ANKS1B: variants seen among roughly 807,000 people sequenced by gnomAD.
The protein encoded by ANKS1B is ankyrin repeat and sterile alpha motif domain containing 1B.
Under a neutral mutation model 148.3 loss-of-function variants are expected in ANKS1B, and 36 were observed. That is an observed-to-expected ratio of 0.24 (90% CI 0.19 to 0.32). The LOEUF (loss-of-function observed/expected upper bound fraction) is 0.32, where lower values mean the gene tolerates loss of function less well. Among genes scored for constraint, ANKS1B ranks in the 10% least tolerant of loss-of-function variants. The pLI, the probability that ANKS1B is intolerant of heterozygous loss-of-function variation, is 1.00. For missense variants in ANKS1B, 1,157 were observed against 1,542.6 expected, an observed-to-expected ratio of 0.75 and a Z score of 4.19; for synonymous variants, 542 against 560.8, an observed-to-expected ratio of 0.97 and a Z score of 0.47.
chr12:99,348,153 G>C (rs1281913031), intron 12 of ANKS1B, among the ~76,000 whole-genome samples: 10 of 151,894 alleles, frequency 6.6e-5, no homozygotes, highest in Admixed American at 6.6e-4. Context: ...CTAAAGAACA[G>C]AAACAAAATA....
At chr12:99,742,680 A>G (rs2060235890) in intron 8 of ANKS1B, among the ~76,000 whole-genome samples, 3 of 150,442 alleles carry the variant, frequency 2.0e-5, no homozygotes, top group Admixed American at 2.0e-4. Context: ...TAAAAATACA[A>G]AAAAAAAATT....
chr12:99,453,838 A>C (rs1300163626), intron 10 of ANKS1B, among the ~76,000 whole-genome samples: 1 of 152,248 alleles, frequency 6.6e-6, no homozygotes, highest in Non-Finnish European at 1.5e-5. Context: ...TAGAAGGGCA[A>C]ATATAATTAC....
intron 17 of ANKS1B, among the ~76,000 whole-genome samples, chr12:98,882,632 G>C (rs1391195217): frequency 2.0e-5 from 3 of 152,026 alleles, no homozygotes; most frequent in Non-Finnish European, 4.4e-5. Flanking sequence ...TATCAATGTG[G>C]CATGCTTTAA....
At position 99,578,721 on chromosome 12, in the gene ANKS1B, A is replaced by G. The variant is rs372772963; in HGVS notation, c.1273-74080T>C. Reference sequence around the variant, plus strand: ...AGACAACATAAACATATGGAAAAACATTCCATGCTCATGGATAGGAAGAAT... The same window carrying G: ...AGACAACATAAACATATGGAAAAACGTTCCATGCTCATGGATAGGAAGAAT... On this transcript the variant is annotated intron_variant, in intron 9 of 26. Transcript: ENST00000683438. Among the ~76,000 whole-genome samples, 292 of 152,276 alleles carry G rather than the reference A, an allele frequency of 1.9e-3. 1 individual carries two copies. Among genetic ancestry groups the G allele is most frequent in the Admixed American group, 9.7e-3 (148 of 15,284 alleles).
intron 8 of ANKS1B, among the ~76,000 whole-genome samples, chr12:99,702,390 G>A (rs1345525805): frequency 6.6e-6 from 1 of 151,916 alleles, no homozygotes; most frequent in Admixed American, 6.6e-5. Flanking sequence ...TCAGATTGTT[G>A]TATCTTTTTC....
chr12:99,888,684 C>T (rs2092946586), intron 1 of ANKS1B, among the ~76,000 whole-genome samples: 1 of 152,160 alleles, frequency 6.6e-6, no homozygotes, highest in South Asian at 2.1e-4. Flanking sequence ...GGATTCACTA[C>T]ATCAGAGTCC....
At chr12:99,586,605 A>G (rs2097643670) in intron 9 of ANKS1B, among the ~76,000 whole-genome samples, 1 of 151,274 alleles carries the variant, frequency 6.6e-6, no homozygotes, top group Admixed American at 6.6e-5. Context: ...GCAGCATCTC[A>G]CTCTACTGGT....
At position 99,058,231 on chromosome 12, in the gene ANKS1B, C is replaced by CTTT. The variant is rs1032294121; in HGVS notation, c.2626-4925_2626-4923dup. On this transcript the variant is annotated intron_variant, in intron 16 of 26. Coordinates refer to ENST00000683438, the MANE Select transcript of ANKS1B (RefSeq NM_001352186.2). ...CATGCAGAAACTCTGCATGCCACATCTTTTTTTTTTTTTTTTTTTTTTAAG... is the reference window on the plus strand; with the variant it reads ...CATGCAGAAACTCTGCATGCCACATCTTTTTTTTTTTTTTTTTTTTTTTTTAAG... 1.3e-3 allele frequency among the ~76,000 whole-genome samples: 164 copies of CTTT among 124,610 alleles called. 1 individual carries two copies. Among genetic ancestry groups the CTTT allele is most frequent in the Admixed American group, 4.2e-3 (50 of 11,928 alleles). 81.7% of individuals were successfully genotyped at this position (124,610 alleles called of 152,430 possible).
intron 17 of ANKS1B, among the ~76,000 whole-genome samples, chr12:98,912,923 G>A (rs1311223044): frequency 6.6e-6 from 1 of 152,168 alleles, no homozygotes; most frequent in Non-Finnish European, 1.5e-5. Flanking sequence ...CCCAGGTATT[G>A]CAAACTGGTG....
chr12:99,322,694 C>A (rs1039618206), intron 12 of ANKS1B, among the ~76,000 whole-genome samples: 1 of 152,116 alleles, frequency 6.6e-6, no homozygotes, highest in Non-Finnish European at 1.5e-5. Context: ...ACCCAACTTT[C>A]ACTTTTCATA....
chr12:99,375,149 G>A (rs1275624788), intron 12 of ANKS1B, among the ~76,000 whole-genome samples: 1 of 152,156 alleles, frequency 6.6e-6, no homozygotes, highest in East Asian at 1.9e-4. Context: ...GTATATCAGG[G>A]CTTCTTAACT....
chr12:99,821,251 G>A (rs1428838676), intron 2 of ANKS1B, among the ~76,000 whole-genome samples: 3 of 151,914 alleles, frequency 2.0e-5, no homozygotes, highest in African/African-American at 7.2e-5. Flanking sequence ...GGGAGATGGG[G>A]TTAGAATCTT....
intron 17 of ANKS1B, among the ~76,000 whole-genome samples, chr12:99,043,160 G>A (rs1178034307): frequency 6.6e-6 from 1 of 152,120 alleles, no homozygotes; most frequent in Non-Finnish European, 1.5e-5. Flanking sequence ...TCATAGTCAT[G>A]TTTTAAGGTA....
intron 9 of ANKS1B, among the ~76,000 whole-genome samples, chr12:99,625,864 A>G (rs541626649): frequency 6.6e-6 from 1 of 152,248 alleles, no homozygotes; most frequent in South Asian, 2.1e-4. Context: ...GGGTAATGAT[A>G]GTAGAGAATT....
chr12:99,443,039 G>A (rs1056728867), intron 11 of ANKS1B, among the ~76,000 whole-genome samples: 1 of 151,928 alleles, frequency 6.6e-6, no homozygotes, highest in East Asian at 1.9e-4. Context: ...TTGTCCCAAT[G>A]ATATTTCTAA....
chr12:99,414,485 T>C (rs867207744), intron 11 of ANKS1B, among the ~76,000 whole-genome samples: 1 of 152,170 alleles, frequency 6.6e-6, no homozygotes, highest in Non-Finnish European at 1.5e-5. Flanking sequence ...AGATACACCA[T>C]GGAATACTAT....
intron 22 of ANKS1B, among the ~76,000 whole-genome samples, chr12:98,786,852 A>G (rs143794750): frequency 3.9e-4 from 60 of 152,268 alleles, no homozygotes; most frequent in African/African-American, 7.9e-4. Context: ...CATTCTTACA[A>G]TGCCCCGATT....
chr12:99,140,805 G>T (rs2153795129), intron 15 of ANKS1B, among the ~76,000 whole-genome samples: 1 of 152,178 alleles, frequency 6.6e-6, no homozygotes, highest in South Asian at 2.1e-4. Flanking sequence ...TGAGCCCTAA[G>T]CATGGCCCTG....
chr12:99,123,137 GGAGACA>G (rs2063390196), intron 15 of ANKS1B, among the ~76,000 whole-genome samples: 1 of 151,816 alleles, frequency 6.6e-6, no homozygotes, highest in African/African-American at 2.4e-5. Flanking sequence ...GGGCAAGAAG[GGAGACA>G]GATGCTGACT....
Sources: gnomAD v4.1 joint callset for allele counts (sites outside exome capture counted in the v4.1 genomes callset) on GRCh38, gnomAD v4.1.1 for gene constraint, MANE v1.5 for transcripts, NCBI Gene and HGNC (gene_info 2026-07-23, HGNC 2026-07-21) for gene names.